FBXW11: variants seen among roughly 807,000 people sequenced by gnomAD.
FBXW11 encodes the protein F-box/WD repeat-containing protein 11.
Under a neutral mutation model 77.6 loss-of-function variants are expected in FBXW11, and 19 were observed. The observed-to-expected ratio is 0.24, with a 90% CI of 0.17 to 0.36. The LOEUF (loss-of-function observed/expected upper bound fraction) is 0.36, where lower values mean the gene tolerates loss of function less well. Ranked by LOEUF, FBXW11 falls within the 10% of genes least tolerant of loss-of-function variation. FBXW11 has a pLI of 1.00. For synonymous variants in FBXW11, 235 were observed against 249.4 expected, an observed-to-expected ratio of 0.94 and a Z score of 0.54; for missense variants, 334 against 704.2, an observed-to-expected ratio of 0.47 and a Z score of 5.95.
chr5:171,974,939 C>T (rs1764741996), intron 1 of FBXW11, among the ~76,000 whole-genome samples: 1 of 152,142 alleles, frequency 6.6e-6, no homozygotes, highest in Non-Finnish European at 1.5e-5. Context: ...GGACTACAGG[C>T]ACGCGCCACC....
chr5:171,974,416 A>G (rs1340659399), intron 1 of FBXW11, among the ~76,000 whole-genome samples: 1 of 151,768 alleles, frequency 6.6e-6, no homozygotes, highest in East Asian at 1.9e-4. Context: ...CCTGGATGAC[A>G]GGAGCGAAAC....
chr5:171,881,463 C>T (rs1028296570), intron 7 of FBXW11, among the ~76,000 whole-genome samples: 3 of 152,094 alleles, frequency 2.0e-5, no homozygotes, highest in Non-Finnish European at 2.9e-5. Flanking sequence ...CATCTATTGA[C>T]GTGATTTTCT....
rs1179622221 is a variant in FBXW11, at chr5:171,862,813, C to A, written c.*1314G>T. 2.0e-5 allele frequency: 3 copies of A among 152,256 alleles called. No individual in the cohort carries two copies. The highest frequency in any genetic ancestry group is 2.1e-4 in the South Asian group (1 of 4,828). 9.4% of individuals were successfully genotyped at this position (152,256 alleles called of 1,614,324 possible). A position where few individuals can be genotyped will look rare whatever the true frequency, so the allele number is the denominator to read the frequency against. ...TGGGCCTCTGAACCAGCCTGACCTGCCCTGCAGGCTCCAACACACCAGCAG... is the reference window on the plus strand; with the variant it reads ...TGGGCCTCTGAACCAGCCTGACCTGACCTGCAGGCTCCAACACACCAGCAG... On this transcript the variant is annotated 3_prime_UTR_variant, in exon 14 of 14. Coordinates refer to ENST00000517395, the MANE Select transcript of FBXW11 (RefSeq NM_001378974.1).
At position 171,888,544 on chromosome 5, in the gene FBXW11, C is replaced by T. The variant is rs188340434; in HGVS notation, c.852+2923G>A. On this transcript the variant is annotated intron_variant, in intron 7 of 13. Coordinates refer to ENST00000517395, the MANE Select transcript of FBXW11 (RefSeq NM_001378974.1). ...CAAGACAGAACTTGTGTTCTGAACC[C>T]AACTAAGTTGACTAACTGCTTAAAA... Among the ~76,000 whole-genome samples, 333 of 152,326 alleles carry T rather than the reference C, an allele frequency of 2.2e-3. 1 individual carries two copies. The highest frequency in any genetic ancestry group is 3.3e-3 in the Non-Finnish European group (224 of 68,030).
chr5:171,920,629 T>C (rs1269875062), intron 2 of FBXW11, among the ~76,000 whole-genome samples: 1 of 151,700 alleles, frequency 6.6e-6, no homozygotes, highest in Non-Finnish European at 1.5e-5. Context: ...ATCTCAGAAG[T>C]TTGAGGCTTC....
intron 2 of FBXW11, among the ~76,000 whole-genome samples, chr5:171,914,990 C>T (rs1581194471): frequency 1.3e-5 from 2 of 152,304 alleles, no homozygotes; most frequent in Admixed American, 1.3e-4. Flanking sequence ...CTTGGGAATG[C>T]ATTAGCTTTT....
At chr5:171,999,039 C>T (rs967691933) in intron 1 of FBXW11, among the ~76,000 whole-genome samples, 1 of 152,028 alleles carries the variant, frequency 6.6e-6, no homozygotes, top group East Asian at 1.9e-4. Context: ...TGATTAACCT[C>T]GCCATAACAA....
chr5:171,948,359 G>C (rs567529272), intron 2 of FBXW11, among the ~76,000 whole-genome samples: 1 of 151,392 alleles, frequency 6.6e-6, no homozygotes, highest in African/African-American at 2.4e-5. Flanking sequence ...ACAAAGAACA[G>C]ATATTAAAGT....
intron 2 of FBXW11, among the ~76,000 whole-genome samples, chr5:171,940,389 G>A (rs762707218): frequency 6.6e-6 from 1 of 152,104 alleles, no homozygotes; most frequent in Non-Finnish European, 1.5e-5. Context: ...AACACAGTTG[G>A]CTGAGAGGGC....
intron 1 of FBXW11, among the ~76,000 whole-genome samples, chr5:172,001,013 A>C (rs1346428554): frequency 6.6e-6 from 1 of 152,152 alleles, no homozygotes; most frequent in East Asian, 1.9e-4. Context: ...GTTCTATGTA[A>C]ATCAATCTGT....
intron 1 of FBXW11, among the ~76,000 whole-genome samples, chr5:171,995,098 A>C (rs1368464680): frequency 6.6e-6 from 1 of 152,188 alleles, no homozygotes. Flanking sequence ...TTAAGATGAA[A>C]GGGAGTAGGA....
At chr5:171,978,533 T>C (rs1476612985) in intron 1 of FBXW11, among the ~76,000 whole-genome samples, 2 of 152,162 alleles carry the variant, frequency 1.3e-5, no homozygotes, top group Non-Finnish European at 2.9e-5. Flanking sequence ...GTGAGAGTCC[T>C]TGAAGCTGTC....
intron 2 of FBXW11, among the ~76,000 whole-genome samples, chr5:171,937,514 C>T (rs1762536689): frequency 6.6e-6 from 1 of 152,086 alleles, no homozygotes; most frequent in South Asian, 2.1e-4. Flanking sequence ...ATGAGTGTGG[C>T]TGTGCTCCAA....
chr5:171,959,676 C>T (rs1406946412), intron 1 of FBXW11, among the ~76,000 whole-genome samples: 7 of 151,662 alleles, frequency 4.6e-5, no homozygotes, highest in African/African-American at 1.7e-4. Flanking sequence ...GGTGAAACCC[C>T]GTCTCTACTA....
intron 2 of FBXW11, among the ~76,000 whole-genome samples, chr5:171,954,443 G>A (rs147987766): frequency 1.3e-5 from 2 of 152,284 alleles, no homozygotes; most frequent in Admixed American, 6.5e-5. Context: ...TAGAAAGAAC[G>A]TGGAAAATAA....
intron 4 of FBXW11, among the ~76,000 whole-genome samples, chr5:171,907,943 T>A (rs1581182873): frequency 6.6e-6 from 1 of 152,084 alleles, no homozygotes; most frequent in Non-Finnish European, 1.5e-5. Flanking sequence ...AAATACAAGG[T>A]GAGTTCCCTG....
chr5:171,891,745 T>C (rs1400312096), intron 6 of FBXW11, 141 bp from the exon 7 acceptor site: 2 of 738,564 alleles, frequency 2.7e-6, no homozygotes, highest in Non-Finnish European at 4.2e-6. Flanking sequence ...GATAGGATCA[T>C]GCTCTTTTCC....
chr5:171,914,037 T>A (rs889696909), intron 3 of FBXW11, among the ~76,000 whole-genome samples: 4 of 152,234 alleles, frequency 2.6e-5, no homozygotes, highest in African/African-American at 4.8e-5. Context: ...GTGTGTGGCA[T>A]GGTGCCATTC....
chr5:171,957,396 G>A (rs145540684), intron 2 of FBXW11, among the ~76,000 whole-genome samples: 9 of 152,266 alleles, frequency 5.9e-5, no homozygotes, highest in African/African-American at 2.2e-4. Flanking sequence ...GGAGGACAGG[G>A]CCCAGCCAAA....
Sources: gnomAD v4.1 joint callset for allele counts (sites outside exome capture counted in the v4.1 genomes callset) on GRCh38, gnomAD v4.1.1 for gene constraint, MANE v1.5 for transcripts, NCBI Gene and HGNC (gene_info 2026-07-23, HGNC 2026-07-21) for gene names.